Variants in MPP7 observed in about 807,000 individuals in gnomAD.
MPP7 encodes the protein MAGUK p55 scaffold protein 7.
A neutral mutation model predicts 76.5 loss-of-function variants in MPP7; 60 were observed. That is an observed-to-expected ratio of 0.78 (90% CI 0.64 to 0.97). The LOEUF (loss-of-function observed/expected upper bound fraction) is 0.97, where lower values mean the gene tolerates loss of function less well. MPP7 is among the 50% of genes least tolerant of loss of function. MPP7 has a pLI of 0.00. For missense variants in MPP7, 641 were observed against 694.0 expected, an observed-to-expected ratio of 0.92 and a Z score of 0.86; for synonymous variants, 237 against 244.5, an observed-to-expected ratio of 0.97 and a Z score of 0.29.
intron 1 of MPP7, among the ~76,000 whole-genome samples, chr10:28,239,392 C>T (rs1181238869): frequency 6.6e-6 from 1 of 151,930 alleles, no homozygotes; most frequent in African/African-American, 2.4e-5. Flanking sequence ...GGTCATATGC[C>T]CGCCTTGGCC....
chr10:28,085,632 T>C (rs1852971394), intron 12 of MPP7, among the ~76,000 whole-genome samples: 1 of 152,124 alleles, frequency 6.6e-6, no homozygotes, highest in African/African-American at 2.4e-5. Flanking sequence ...TCAAAGGCAA[T>C]ATAAACGTTC....
At chr10:28,287,717 T>C (rs889764222) in intron 1 of MPP7, among the ~76,000 whole-genome samples, 12 of 152,234 alleles carry the variant, frequency 7.9e-5, no homozygotes, top group African/African-American at 2.9e-4. Context: ...TTTCAAGAGA[T>C]GACCGCTGAT....
intron 1 of MPP7, among the ~76,000 whole-genome samples, chr10:28,267,759 G>T (rs1485378251): frequency 2.6e-5 from 4 of 152,204 alleles, no homozygotes; most frequent in African/African-American, 9.6e-5. Flanking sequence ...TAACGAGCCA[G>T]GCACGATGGC....
At chr10:28,105,921 A>G (rs75089035) in intron 11 of MPP7, among the ~76,000 whole-genome samples, 1,839 of 152,306 alleles carry the variant, frequency 0.012, 53 homozygotes, top group East Asian at 0.12. Flanking sequence ...TGTAGGTCTA[A>G]CAAAAAATAT....
intron 2 of MPP7, among the ~76,000 whole-genome samples, chr10:28,328,796 A>G (rs2133190971): frequency 6.6e-6 from 1 of 152,290 alleles, no homozygotes; most frequent in Middle Eastern, 3.4e-3. Context: ...ATTTGTCGAA[A>G]TACCATGTGA....
At chr10:28,211,176 G>T (rs566377756) in intron 2 of MPP7, among the ~76,000 whole-genome samples, 76 of 151,950 alleles carry the variant, frequency 5.0e-4, no homozygotes, top group African/African-American at 1.7e-3. Flanking sequence ...ACAGCTCACT[G>T]CAACCTTGAA....
intron 4 of MPP7, 67 bp from the exon 5 acceptor site, chr10:28,147,630 A>T: frequency 7.3e-7 from 1 of 1,367,816 alleles, no homozygotes. Context: ...GGTGTGTGAC[A>T]ACTGAGAATC....
chr10:28,077,765 A>G (rs527716323), intron 12 of MPP7, among the ~76,000 whole-genome samples: 15 of 152,328 alleles, frequency 9.8e-5, no homozygotes, highest in Non-Finnish European at 1.9e-4. Context: ...TAAGTAGATT[A>G]CTCTGTAGTT....
intron 3 of MPP7, among the ~76,000 whole-genome samples, chr10:28,195,748 T>C (rs1265902595): frequency 6.6e-6 from 1 of 152,122 alleles, no homozygotes; most frequent in South Asian, 2.1e-4. Context: ...AATGCAAGGA[T>C]TGAAGAATGA....
At chr10:28,253,921 G>A (rs553860520) in intron 1 of MPP7, among the ~76,000 whole-genome samples, 1 of 149,094 alleles carries the variant, frequency 6.7e-6, no homozygotes, top group African/African-American at 2.5e-5. Context: ...ACTTGAACCT[G>A]GGAGACACAG....
intron 2 of MPP7, among the ~76,000 whole-genome samples, chr10:28,212,722 G>A (rs905178105): frequency 2.6e-5 from 4 of 152,172 alleles, no homozygotes; most frequent in East Asian, 1.9e-4. Context: ...GTAATCTCAC[G>A]TCCTAGAAAG....
chr10:28,087,073 G>A (rs570998346), intron 12 of MPP7, among the ~76,000 whole-genome samples: 1 of 152,174 alleles, frequency 6.6e-6, no homozygotes, highest in East Asian at 1.9e-4. Flanking sequence ...GGTCATAAGA[G>A]CAGATCCCTC....
intron 1 of MPP7, among the ~76,000 whole-genome samples, chr10:28,264,328 A>C (rs1840078246): frequency 6.6e-6 from 1 of 152,058 alleles, no homozygotes; most frequent in Non-Finnish European, 1.5e-5. Flanking sequence ...AATTGGGGCA[A>C]AGAGCAGCAA....
chr10:28,197,837 T>G (rs969823480), intron 3 of MPP7, among the ~76,000 whole-genome samples: 1 of 152,310 alleles, frequency 6.6e-6, no homozygotes, highest in East Asian at 1.9e-4. Flanking sequence ...TACCCTGATG[T>G]GATTATTATA....
chr10:28,231,171 CAA>C (rs763329834), intron 2 of MPP7, among the ~76,000 whole-genome samples: 3 of 98,980 alleles, frequency 3.0e-5, no homozygotes, highest in East Asian at 2.9e-4. Context: ...AAATCAGTAA[CAA>C]AAAAAAAAAA....
At chr10:28,064,185 T>C (rs1184593561) in intron 13 of MPP7, among the ~76,000 whole-genome samples, 2 of 152,172 alleles carry the variant, frequency 1.3e-5, no homozygotes, top group Admixed American at 1.3e-4. Context: ...AAGAAACCCC[T>C]AAATCCTCAT....
intron 12 of MPP7, among the ~76,000 whole-genome samples, chr10:28,075,434 C>A (rs932012526): frequency 4.6e-5 from 7 of 152,168 alleles, no homozygotes; most frequent in African/African-American, 1.4e-4. Context: ...TTCTCACCAG[C>A]ACCTCCCACT....
At chr10:28,134,126 T>A (rs550008265) in intron 5 of MPP7, among the ~76,000 whole-genome samples, 2 of 152,268 alleles carry the variant, frequency 1.3e-5, no homozygotes, top group East Asian at 1.9e-4. Context: ...TAGTAGCGTT[T>A]TTCAATTATA....
upstream of MPP7, among the ~76,000 whole-genome samples, chr10:28,306,596 A>G (rs2133169465): frequency 6.6e-6 from 1 of 152,190 alleles, no homozygotes; most frequent in Admixed American, 6.5e-5. Context: ...TGCAGTGAAC[A>G]GAGATTTTGC....
Sources: allele counts gnomAD v4.1 joint callset (sites outside exome capture counted in the v4.1 genomes callset), GRCh38; gene constraint gnomAD v4.1.1; transcripts MANE v1.5; gene names NCBI Gene and HGNC (gene_info 2026-07-23, HGNC 2026-07-21).